Variants in ZFR observed in about 807,000 individuals in gnomAD.
ZFR encodes zinc finger RNA binding protein, also known as zinc finger RNA-binding protein.
In ZFR, 19 loss-of-function variants were observed where a neutral mutation model predicts 130.7. The observed-to-expected ratio is 0.15, with a 90% CI of 0.10 to 0.21. ZFR has a LOEUF of 0.21. Among genes scored for constraint, ZFR ranks in the 10% least tolerant of loss-of-function variants. The pLI is 1.00. For missense variants in ZFR, 872 were observed against 1,321.5 expected (o/e 0.66, Z 5.27); for synonymous variants, 466 against 456.9 (o/e 1.02, Z -0.25).
chr5:32,390,246 C>A (rs1236207890), intron 12 of ZFR, 29 bp downstream of exon 12: 1 of 1,598,862 alleles, frequency 6.3e-7, no homozygotes, highest in Non-Finnish European at 8.6e-7. Context: ...CAAACTTTCA[C>A]CCCTTGTATC....
intron 15 of ZFR, among the ~76,000 whole-genome samples, chr5:32,385,101 ACT>A (rs1753016445): frequency 6.6e-6 from 1 of 151,446 alleles, no homozygotes; most frequent in Non-Finnish European, 1.5e-5. Context: ...GTTTGTGAAA[ACT>A]CTTGTCTTTT....
At chr5:32,440,608 T>C (rs1012258912) in intron 2 of ZFR, among the ~76,000 whole-genome samples, 31 of 151,546 alleles carry the variant, frequency 2.0e-4, no homozygotes, top group East Asian at 3.9e-4. Context: ...GATCGTGCCA[T>C]TGCACTCCAG....
chr5:32,398,668 A>C (rs1171282562), intron 9 of ZFR, among the ~76,000 whole-genome samples: 1 of 152,148 alleles, frequency 6.6e-6, no homozygotes, highest in Non-Finnish European at 1.5e-5. Context: ...AATTCAATAC[A>C]CAATTTTTCT....
intron 2 of ZFR, among the ~76,000 whole-genome samples, chr5:32,436,326 T>A (rs940038666): frequency 8.6e-5 from 13 of 151,650 alleles, no homozygotes; most frequent in African/African-American, 1.5e-4. Flanking sequence ...TTTTTTTTTT[T>A]ATTTTTAGTA....
At chr5:32,374,308 C>CT (rs553464049) in intron 17 of ZFR, among the ~76,000 whole-genome samples, 2 of 152,080 alleles carry the variant, frequency 1.3e-5, no homozygotes, top group South Asian at 4.1e-4. Context: ...GAGTTCTAGA[C>CT]TACCCTGGCC....
intron 15 of ZFR, among the ~76,000 whole-genome samples, chr5:32,380,903 G>C (rs1288275677): frequency 6.6e-6 from 1 of 151,464 alleles, no homozygotes; most frequent in Non-Finnish European, 1.5e-5. Flanking sequence ...ACCCGCCTCG[G>C]CCTCCCAAAG....
chr5:32,372,237 C>T (rs142251495), intron 17 of ZFR, among the ~76,000 whole-genome samples: 19 of 152,298 alleles, frequency 1.2e-4, no homozygotes, highest in Non-Finnish European at 1.3e-4. Context: ...AATAGATTTG[C>T]ATGACATCTT....
Position 32,429,146 on chromosome 5 carries a change from C to T in ZFR, c.138-9043G>A, listed in dbSNP as rs190819957. 5.4e-3 allele frequency among the ~76,000 whole-genome samples: 825 copies of T among 152,064 alleles called. 4 individuals carry two copies. Among genetic ancestry groups the T allele is most frequent in the Non-Finnish European group, 7.8e-3 (530 of 67,966 alleles). ...GACTACAGGAGCCCGCCACCACGCC[C>T]GGCTAATTTTTTTGTGTTTTTAGTA... On this transcript the variant is annotated intron_variant, in intron 2 of 19. Coordinates refer to ENST00000265069, the MANE Select transcript of ZFR (RefSeq NM_016107.5).
chr5:32,429,567 AGACT>A (rs749184338), intron 2 of ZFR, among the ~76,000 whole-genome samples: 5 of 152,238 alleles, frequency 3.3e-5, no homozygotes, highest in Admixed American at 1.3e-4. Context: ...AGTTTAATTC[AGACT>A]GACTATCTAT....
intron 2 of ZFR, among the ~76,000 whole-genome samples, chr5:32,435,461 G>A (rs553216792): frequency 6.6e-6 from 1 of 152,314 alleles, no homozygotes; most frequent in South Asian, 2.1e-4. Flanking sequence ...CAGATATTCT[G>A]ATAGTAACTT....
intron 12 of ZFR, among the ~76,000 whole-genome samples, chr5:32,389,801 C>T (rs1753122331): frequency 6.6e-6 from 1 of 152,156 alleles, no homozygotes; most frequent in Non-Finnish European, 1.5e-5. Context: ...ACAGAAGACA[C>T]AGGAAACATA....
Position 32,363,967 on chromosome 5 carries a change from T to C in ZFR, c.3026A>G (p.Asp1009Gly). The change falls in exon 19 of 20, where the codon GAC becomes GGC. Residue 1009 changes from aspartate to glycine, a missense_variant. Around this residue, in one of 7 missense-constraint regions of ZFR, gnomAD observed 158 missense variants for 264.0 expected, o/e 0.60. Coordinates refer to ENST00000265069, the MANE Select transcript of ZFR (RefSeq NM_016107.5). The stretch of plus-strand genomic sequence containing the variant: ...CAGTACCTGTGCACTGGATGTGATG[T>C]CTTCACGCTGCTGGTCAGTCATTGT... The part of the protein sequence containing the change: ...LATMTDQQRE[D>G]ITSSAQFALR... 1 of 1,614,102 alleles carries C rather than the reference T, an allele frequency of 6.2e-7. No homozygotes were observed. The highest frequency in any genetic ancestry group is 8.5e-7 in the Non-Finnish European group (1 of 1,179,996).
Position 32,355,909 on chromosome 5 carries a change from T to A in ZFR, c.3076A>T (p.Ile1026Leu). ...FALRLLAFRQ[I>L]HKVLGMDPLP... ...GGATCCATGCCTAGAACTTTGTGTATCTGGCGGAATGCAAGGAGTCTCAAT... is the reference window on the plus strand; with the variant it reads ...GGATCCATGCCTAGAACTTTGTGTAACTGGCGGAATGCAAGGAGTCTCAAT... The change falls in exon 20 of 20, where the codon ATA becomes TTA. Residue 1026 changes from isoleucine (I) to leucine (L), a missense_variant. By Grantham distance (5) the Ile-to-Leu change is conservative (BLOSUM62 2). This residue lies in a region of ZFR where 158 missense variants were observed against 264.0 expected (regional missense o/e 0.60). Transcript: ENST00000265069. 2 of 1,596,612 alleles carry A rather than the reference T, an allele frequency of 1.3e-6. No individual in the cohort carries two copies. The highest frequency in any genetic ancestry group is 1.7e-6 in the Non-Finnish European group (2 of 1,174,820).
intron 15 of ZFR, among the ~76,000 whole-genome samples, chr5:32,384,917 CA>C (rs1169845563): frequency 1.3e-5 from 2 of 152,094 alleles, no homozygotes; most frequent in Non-Finnish European, 2.9e-5. Flanking sequence ...ATATTAGGGT[CA>C]AATGTCCAAA....
At chr5:32,406,708 G>C (rs757722532) in intron 6 of ZFR, 66 bp downstream of exon 6, 87 of 1,536,686 alleles carry the variant, frequency 5.7e-5, no homozygotes, top group Non-Finnish European at 7.5e-5. Context: ...GTAGGCTCAG[G>C]AGTTAGAATA....
chr5:32,427,070 T>C (rs1158881871), intron 2 of ZFR, among the ~76,000 whole-genome samples: 1 of 151,958 alleles, frequency 6.6e-6, no homozygotes, highest in African/African-American at 2.4e-5. Flanking sequence ...TCCTATATGT[T>C]AACAATAAAC....
intron 9 of ZFR, 96 bp from the exon 10 acceptor site, chr5:32,397,434 A>G: frequency 1.4e-6 from 2 of 1,456,866 alleles, no homozygotes; most frequent in Non-Finnish European, 1.9e-6. Context: ...ACACAGTTAG[A>G]AAGAAGTGGC....
intron 2 of ZFR, among the ~76,000 whole-genome samples, chr5:32,432,148 A>G (rs1348733737): frequency 1.3e-5 from 2 of 151,580 alleles, no homozygotes; most frequent in Non-Finnish European, 1.5e-5. Context: ...CCTGCCACCA[A>G]ACCCGGGTAA....
At chr5:32,429,904 A>T (rs1754164022) in intron 2 of ZFR, among the ~76,000 whole-genome samples, 1 of 151,308 alleles carries the variant, frequency 6.6e-6, no homozygotes, top group Non-Finnish European at 1.5e-5. Context: ...CCCTGCCTTT[A>T]AAAAAAAATT....
Sources: allele counts gnomAD v4.1 joint callset (sites outside exome capture counted in the v4.1 genomes callset), GRCh38; gene constraint gnomAD v4.1.1; regional missense constraint gnomAD v4.1.1; transcripts MANE v1.5; gene names NCBI Gene and HGNC (gene_info 2026-07-23, HGNC 2026-07-21).